TLN2: variants seen among roughly 807,000 people sequenced by gnomAD.
TLN2 encodes talin 2, also known as talin-2.
A neutral mutation model predicts 294.7 loss-of-function variants in TLN2; 118 were observed. That is an observed-to-expected ratio of 0.40 (90% CI 0.34 to 0.47). The LOEUF is 0.47. TLN2 is among the 20% of genes least tolerant of loss of function. The probability of loss-of-function intolerance (pLI) is 0.84; values close to 1 mark genes in which losing one functional copy is unlikely to be tolerated. For missense variants in TLN2, 3,083 were observed against 3,282.2 expected, an observed-to-expected ratio of 0.94 and a Z score of 1.48; for synonymous variants, 1,431 against 1,304.5, an observed-to-expected ratio of 1.10 and a Z score of -2.09.
chr15:62,676,895 G>A (rs550292401), intron 11 of TLN2, among the ~76,000 whole-genome samples: 57 of 152,300 alleles, frequency 3.7e-4, no homozygotes, highest in African/African-American at 1.3e-3. Context: ...TATTACAGGC[G>A]TGAGCCACCG....
intron 1 of TLN2, among the ~76,000 whole-genome samples, chr15:62,573,180 C>T (rs182197817): frequency 1.5e-3 from 223 of 152,284 alleles, no homozygotes; most frequent in African/African-American, 5.1e-3. Context: ...ATGCTCTATC[C>T]ACCTTGATCA....
At chr15:62,774,063 G>A (rs2063530751) in intron 42 of TLN2, among the ~76,000 whole-genome samples, 1 of 152,020 alleles carries the variant, frequency 6.6e-6, no homozygotes, top group Non-Finnish European at 1.5e-5. Flanking sequence ...GGCCACCACA[G>A]ATTCTGCCCA....
chr15:62,537,074 A>G (rs2041396778), intron 1 of TLN2, among the ~76,000 whole-genome samples: 1 of 150,846 alleles, frequency 6.6e-6, no homozygotes. Flanking sequence ...GCTGGAGTGC[A>G]GTGGCTTGAT....
intron 1 of TLN2, among the ~76,000 whole-genome samples, chr15:62,415,195 A>G (rs1218048021): frequency 7.1e-6 from 1 of 141,728 alleles, no homozygotes; most frequent in Non-Finnish European, 1.5e-5. Flanking sequence ...GGCGTGAGCC[A>G]CTGTGTCAAG....
intron 1 of TLN2, among the ~76,000 whole-genome samples, chr15:62,567,590 T>G (rs2043513033): frequency 6.6e-6 from 1 of 152,122 alleles, no homozygotes; most frequent in African/African-American, 2.4e-5. Context: ...ATCCCAGCAC[T>G]TTGGGAGGCC....
chr15:62,742,020 GTGGGGT>G (rs2061357849), intron 32 of TLN2, among the ~76,000 whole-genome samples: 3 of 22,916 alleles, frequency 1.3e-4, no homozygotes, highest in Non-Finnish European at 1.8e-4. Flanking sequence ...TTGGCTTGTA[GTGGGGT>G]GTGTGTGTGT....
intron 1 of TLN2, among the ~76,000 whole-genome samples, chr15:62,436,680 T>C (rs935168119): frequency 1.3e-5 from 2 of 152,200 alleles, no homozygotes; most frequent in East Asian, 3.8e-4. Flanking sequence ...TGAAGAGTTG[T>C]GTATGGCTTG....
Position 62,632,485 on chromosome 15 carries a change from G to A in TLN2, c.-37+14010G>A, listed in dbSNP as rs186622551. Among the ~76,000 whole-genome samples, 16 of 152,278 alleles carry A rather than the reference G, an allele frequency of 1.1e-4. 1 individual carries two copies. In the South Asian group the frequency reaches 2.7e-3, roughly 26 times the overall value. ...TACTGCTTGCTACTGTCCTCCCCGA[G>A]CCCTGTGGAAGCTCTTGGAGGGCAA... On this transcript the variant is annotated intron_variant, in intron 3 of 58. Transcript: ENST00000636159.
In TLN2 at chr15:62,801,601, T is replaced by G. The variant is rs182585018; in HGVS notation, c.6477+832T>G. ...ATAGTAGAACAATTTTGCAGGGTTT[T>G]GCTGACAGAAACTTGGGTTTTCTTG... On this transcript the variant is annotated intron_variant, in intron 50 of 58. Transcript: ENST00000636159. Among the ~76,000 whole-genome samples the G allele has an allele frequency of 3.9e-5, 6 of 152,312 alleles. No individual in the cohort carries two copies. In the East Asian group the frequency reaches 1.2e-3, roughly 29 times the overall value.
intron 11 of TLN2, chr15:62,682,940 A>T (rs1290222744): frequency 6.6e-6 from 1 of 152,226 alleles, no homozygotes; most frequent in Admixed American, 6.5e-5. Context: ...GGGCATTCGG[A>T]GCATCTCAGA....
intron 57 of TLN2, among the ~76,000 whole-genome samples, chr15:62,836,323 A>AC (rs1425813969): frequency 6.6e-6 from 1 of 152,060 alleles, no homozygotes; most frequent in Non-Finnish European, 1.5e-5. Context: ...AACCCAGCAG[A>AC]CCCCTACTTG....
intron 9 of TLN2, among the ~76,000 whole-genome samples, chr15:62,662,877 G>A: frequency 3.1e-5 from 1 of 32,456 alleles, no homozygotes; most frequent in African/African-American, 4.0e-5. Flanking sequence ...AGGCTGGAGT[G>A]CAGTGGCGTG....
chr15:62,540,356 C>T (rs986628916), intron 1 of TLN2, among the ~76,000 whole-genome samples: 28 of 138,266 alleles, frequency 2.0e-4, no homozygotes, highest in Admixed American at 6.5e-4. Flanking sequence ...AATAAATAAA[C>T]TTTTTTTTTT....
intron 1 of TLN2, among the ~76,000 whole-genome samples, chr15:62,449,118 G>C (rs1037075681): frequency 8.5e-5 from 13 of 152,142 alleles, no homozygotes; most frequent in African/African-American, 2.9e-4. Context: ...ACGTGTCAGA[G>C]AGCATTAGTT....
At chr15:62,676,545 G>C (rs139641599) in intron 11 of TLN2, among the ~76,000 whole-genome samples, 1,689 of 152,284 alleles carry the variant, frequency 0.011, 19 homozygotes, top group Middle Eastern at 0.041. Flanking sequence ...ATAATGTTTA[G>C]TAAACAGCCA....
intron 1 of TLN2, among the ~76,000 whole-genome samples, chr15:62,543,268 A>T (rs935281420): frequency 6.6e-6 from 1 of 151,876 alleles, no homozygotes; most frequent in Non-Finnish European, 1.5e-5. Context: ...TTGTTCAGAA[A>T]CTCTATATTC....
intron 51 of TLN2, among the ~76,000 whole-genome samples, chr15:62,808,387 AT>A (rs1263438257): frequency 3.9e-5 from 6 of 152,190 alleles, no homozygotes; most frequent in Non-Finnish European, 5.9e-5. Context: ...GGCTGTCTGC[AT>A]TTTTTAAAAA....
intron 21 of TLN2, among the ~76,000 whole-genome samples, chr15:62,711,225 T>C (rs2059413636): frequency 6.6e-6 from 1 of 152,226 alleles, no homozygotes; most frequent in Admixed American, 6.5e-5. Flanking sequence ...TTGGTTGTTA[T>C]ACTCCTCCTA....
At chr15:62,839,772 T>G (rs1354912703) in intron 58 of TLN2, among the ~76,000 whole-genome samples, 1 of 152,252 alleles carries the variant, frequency 6.6e-6, no homozygotes, top group Non-Finnish European at 1.5e-5. Flanking sequence ...CAGAATGTGT[T>G]TCTCCATGCG....
Sources: gnomAD v4.1 joint callset for allele counts (sites outside exome capture counted in the v4.1 genomes callset) on GRCh38, gnomAD v4.1.1 for gene constraint, MANE v1.5 for transcripts, NCBI Gene and HGNC (gene_info 2026-07-23, HGNC 2026-07-21) for gene names.